Variants in KIAA1217 observed in about 807,000 individuals in gnomAD.
The protein encoded by KIAA1217 is KIAA1217.
In KIAA1217, 88 loss-of-function variants were observed where a neutral mutation model predicts 163.9. The ratio of observed to expected loss-of-function variants is 0.54; its 90% CI spans 0.45 to 0.64. The LOEUF is 0.64. Among genes scored for constraint, KIAA1217 ranks in the 30% least tolerant of loss-of-function variants. The pLI is 0.00. For synonymous variants in KIAA1217, 903 were observed against 923.1 expected, an observed-to-expected ratio of 0.98 and a Z score of 0.39; for missense variants, 2,372 against 2,475.0, an observed-to-expected ratio of 0.96 and a Z score of 0.88.
At chr10:23,907,246 G>T (rs1842198364) in intron 1 of KIAA1217, among the ~76,000 whole-genome samples, 1 of 151,528 alleles carries the variant, frequency 6.6e-6, no homozygotes, top group East Asian at 2.0e-4. Flanking sequence ...TTTTTTTTGA[G>T]GGCTGTATTA....
chr10:24,224,107 A>G (rs1036244459), intron 2 of KIAA1217, among the ~76,000 whole-genome samples: 8 of 152,176 alleles, frequency 5.3e-5, no homozygotes, highest in African/African-American at 1.4e-4. Context: ...AGTCTTCAAA[A>G]AATGCGGGTG....
At chr10:23,713,129 G>T (rs1443047331) in intron 1 of KIAA1217, among the ~76,000 whole-genome samples, 3 of 152,080 alleles carry the variant, frequency 2.0e-5, no homozygotes, top group Non-Finnish European at 4.4e-5. Context: ...AAATAGGAGT[G>T]CAGGTTGCAG....
chr10:24,540,823 C>G (rs1366994171), intron 17 of KIAA1217, among the ~76,000 whole-genome samples: 1 of 152,116 alleles, frequency 6.6e-6, no homozygotes, highest in Non-Finnish European at 1.5e-5. Context: ...GGCTGGAGGG[C>G]AGTGGCACGA....
rs192525411 is a variant in KIAA1217 at position 24,302,827 on chromosome 10, C to A, written c.355-78042C>A. The stretch of plus-strand genomic sequence containing the variant: ...GTGGATATCTGTCTAGTGGAAGAGC[C>A]CAGAAGGCAGAGGAAACAACACAAG... On this transcript the variant is annotated intron_variant, in intron 2 of 20. Transcript: ENST00000376454. Among the ~76,000 whole-genome samples the A allele has an allele frequency of 1.5e-3, 226 of 152,056 alleles. 1 individual carries two copies. The highest frequency in any genetic ancestry group is 4.5e-3 in the African/African-American group (188 of 41,494).
chr10:24,010,543 C>G (rs1847198173), intron 2 of KIAA1217, among the ~76,000 whole-genome samples: 1 of 151,844 alleles, frequency 6.6e-6, no homozygotes, highest in South Asian at 2.1e-4. Flanking sequence ...GATCTTCCCC[C>G]CCTTCAAGTT....
At chr10:23,905,109 T>C (rs1266239953) in intron 1 of KIAA1217, among the ~76,000 whole-genome samples, 1 of 144,328 alleles carries the variant, frequency 6.9e-6, no homozygotes, top group Admixed American at 7.1e-5. Context: ...ACTTACCATA[T>C]GGCCGTGTGT....
chr10:24,269,514 T>G (rs1289435294), intron 2 of KIAA1217, among the ~76,000 whole-genome samples: 1 of 152,080 alleles, frequency 6.6e-6, no homozygotes, highest in Admixed American at 6.6e-5. Context: ...ACAGAGTGAT[T>G]CCCTGACTTA....
chr10:23,851,120 G>A (rs539008718), intron 1 of KIAA1217, among the ~76,000 whole-genome samples: 123 of 152,026 alleles, frequency 8.1e-4, no homozygotes, highest in African/African-American at 1.5e-3. Flanking sequence ...CCATTGACTC[G>A]TCATTTAGCA....
chr10:24,038,176 T>C (rs1162018262), intron 2 of KIAA1217, among the ~76,000 whole-genome samples: 1 of 152,234 alleles, frequency 6.6e-6, no homozygotes, highest in Non-Finnish European at 1.5e-5. Context: ...CTGTTGACCA[T>C]GGCCCTGTGT....
intron 2 of KIAA1217, among the ~76,000 whole-genome samples, chr10:24,352,490 T>G (rs1591235206): frequency 6.6e-6 from 1 of 152,124 alleles, no homozygotes; most frequent in Non-Finnish European, 1.5e-5. Context: ...ACCCTTCTAT[T>G]AAAAAGTATA....
At chr10:23,809,487 A>C (rs1289473489) in intron 1 of KIAA1217, among the ~76,000 whole-genome samples, 1 of 152,066 alleles carries the variant, frequency 6.6e-6, no homozygotes, top group Non-Finnish European at 1.5e-5. Context: ...TGATTAATTC[A>C]ATAAAGTGAG....
At chr10:23,966,186 G>A (rs1018380822) in intron 1 of KIAA1217, among the ~76,000 whole-genome samples, 2 of 152,144 alleles carry the variant, frequency 1.3e-5, no homozygotes, top group African/African-American at 2.4e-5. Context: ...TTGAATAAGA[G>A]CCCCACATTT....
chr10:24,497,850 G>A lies in KIAA1217; in HGVS notation c.1834+2654G>A, dbSNP rs541283463. On this transcript the variant is annotated intron_variant, in intron 8 of 20. Transcript: ENST00000376454. The stretch of plus-strand genomic sequence containing the variant: ...AAGTGGGCAGGGTGGGAGGGGATGA[G>A]GGATAAAAAAAACTACGAATTGGGT... Among the ~76,000 whole-genome samples the A allele has an allele frequency of 1.6e-4, 24 of 152,106 alleles. 2 individuals carry two copies. The South Asian group carries it at 2.3e-3, about 15-fold the overall frequency.
intron 1 of KIAA1217, among the ~76,000 whole-genome samples, chr10:23,805,211 A>G (rs1006361462): frequency 1.3e-5 from 2 of 152,214 alleles, no homozygotes; most frequent in South Asian, 4.1e-4. Context: ...AAAGACACAT[A>G]CATGCGTATG....
intron 2 of KIAA1217, among the ~76,000 whole-genome samples, chr10:24,345,496 C>G (rs1345016754): frequency 6.6e-6 from 1 of 152,180 alleles, no homozygotes; most frequent in Admixed American, 6.5e-5. Context: ...GAAACACTAA[C>G]GGGACCATTA....
intron 1 of KIAA1217, among the ~76,000 whole-genome samples, chr10:23,703,430 T>C (rs899693932): frequency 6.6e-6 from 1 of 152,160 alleles, no homozygotes; most frequent in African/African-American, 2.4e-5. Context: ...GTTTCTTCCC[T>C]GTTCTCTGAT....
At chr10:24,100,558 T>C (rs1409771959) in intron 2 of KIAA1217, among the ~76,000 whole-genome samples, 1 of 152,242 alleles carries the variant, frequency 6.6e-6, no homozygotes. Flanking sequence ...TCTCACTCTG[T>C]GTCTTATGTA....
intron 3 of KIAA1217, among the ~76,000 whole-genome samples, chr10:24,413,525 C>CCT (rs910697512): frequency 1.3e-5 from 2 of 152,126 alleles, no homozygotes; most frequent in African/African-American, 4.8e-5. Context: ...TCTTGTCACA[C>CCT]CTCTGCTCAT....
chr10:23,849,322 C>G lies in KIAA1217; in HGVS notation c.-321+154088C>G, dbSNP rs140896074. On this transcript the variant is annotated intron_variant, in intron 1 of 18. Coordinates refer to the KIAA1217 transcript ENST00000376462. ...TTTTACTTACATAAGCAATCATCATCCATCCACATTTGGATGTAGCAGAGC... is the reference window on the plus strand; with the variant it reads ...TTTTACTTACATAAGCAATCATCATGCATCCACATTTGGATGTAGCAGAGC... Among the ~76,000 whole-genome samples the G allele has an allele frequency of 2.4e-4, 37 of 152,206 alleles. No individual in the cohort carries two copies. In the East Asian group the frequency reaches 7.1e-3, roughly 29 times the overall value.
Sources: gnomAD v4.1 joint callset for allele counts (sites outside exome capture counted in the v4.1 genomes callset) on GRCh38, gnomAD v4.1.1 for gene constraint, MANE v1.5 for transcripts, NCBI Gene and HGNC (gene_info 2026-07-23, HGNC 2026-07-21) for gene names.